SIRPG: variants seen among roughly 807,000 people sequenced by gnomAD.
SIRPG encodes signal regulatory protein gamma, also known as signal-regulatory protein gamma.
SIRPG carries 38 observed loss-of-function variants against 35.7 expected under a neutral mutation model. The observed-to-expected ratio is 1.06, with a 90% confidence interval of 0.82 to 1.40. The LOEUF (loss-of-function observed/expected upper bound fraction) is 1.40. SIRPG is among the 40% of genes most tolerant of loss of function. The probability of loss-of-function intolerance (pLI) is 0.00; values close to 1 mark genes in which losing one functional copy is unlikely to be tolerated. For synonymous variants in SIRPG, 215 were observed against 190.4 expected (o/e 1.13, Z -1.06); for missense variants, 519 against 483.0 (o/e 1.07, Z -0.70).
At chr20:1,648,080 A>C (rs1334245185) in intron 2 of SIRPG, 1 of 152,156 alleles carries the variant, frequency 6.6e-6, no homozygotes, top group African/African-American at 2.4e-5. Context: ...CCATCTGTAA[A>C]GGGGAGTTGG....
the SIRPG span, among the ~76,000 whole-genome samples, chr20:1,668,175 C>CT: frequency 6.7e-3 from 577 of 85,664 alleles, 7 homozygotes; most frequent in African/African-American, 0.021. Flanking sequence ...CTTTTCTTTT[C>CT]TTTCTTTCTT....
chr20:1,643,561 C>G (rs2091873113), intron 2 of SIRPG, among the ~76,000 whole-genome samples: 1 of 152,194 alleles, frequency 6.6e-6, no homozygotes, highest in South Asian at 2.1e-4. Context: ...CCTTCTGAAG[C>G]CTACTTCCGT....
chr20:1,661,892 G>C (rs538019310), upstream of SIRPG, among the ~76,000 whole-genome samples: 1 of 152,314 alleles, frequency 6.6e-6, no homozygotes, highest in South Asian at 2.1e-4. Flanking sequence ...GGGGTCCCAT[G>C]ACCCTTCCTC....
At chr20:1,651,199 A>T (rs2091938074) in intron 1 of SIRPG, 4 of 152,112 alleles carry the variant, frequency 2.6e-5, no homozygotes, top group Admixed American at 2.6e-4. Context: ...TTATATGTAA[A>T]TTTTTTTTAA....
chr20:1,665,930 G>A, the SIRPG span, among the ~76,000 whole-genome samples: 5 of 152,056 alleles, frequency 3.3e-5, no homozygotes, highest in Admixed American at 1.3e-4. Context: ...CCTCAGGCAC[G>A]TCCTTCAGGA....
At chr20:1,682,185 TA>T in the SIRPG span, among the ~76,000 whole-genome samples, 11 of 152,048 alleles carry the variant, frequency 7.2e-5, no homozygotes, top group Admixed American at 7.2e-4. Flanking sequence ...ATCAGAGAAG[TA>T]AAAAAGAAGA....
chr20:1,639,001 T>A (rs1293231717), intron 2 of SIRPG, among the ~76,000 whole-genome samples: 1 of 152,234 alleles, frequency 6.6e-6, no homozygotes, highest in Non-Finnish European at 1.5e-5. Flanking sequence ...GTACCACCTT[T>A]TCTTTGTCCA....
chr20:1,665,646 T>TC, the SIRPG span, among the ~76,000 whole-genome samples: 1 of 152,192 alleles, frequency 6.6e-6, no homozygotes, highest in East Asian at 1.9e-4. Flanking sequence ...ACTCAGGTAT[T>TC]CATACATTGC....
chr20:1,656,178 G>A (rs1346917236), intron 1 of SIRPG, among the ~76,000 whole-genome samples: 1 of 152,152 alleles, frequency 6.6e-6, no homozygotes, highest in African/African-American at 2.4e-5. Flanking sequence ...TTGCTTGCCT[G>A]CATTTTCTAA....
At chr20:1,680,744 A>G in the SIRPG span, among the ~76,000 whole-genome samples, 5 of 152,248 alleles carry the variant, frequency 3.3e-5, no homozygotes, top group Non-Finnish European at 7.3e-5. Context: ...CCTTTGACAA[A>G]TGTGGCTATC....
At chr20:1,674,849 G>C in the SIRPG span, among the ~76,000 whole-genome samples, 1 of 152,150 alleles carries the variant, frequency 6.6e-6, no homozygotes, top group South Asian at 2.1e-4. Context: ...TAAAGGAGTC[G>C]TGATGATCAC....
chr20:1,657,630 T>C lies in SIRPG; in HGVS notation c.73+12A>G, dbSNP rs775454426. ...GCAGGGAGAAAGGGTTCTAGCCCAA[T>C]GCAATGCTCACCTGTAAGTCCCAGC... is the stretch of plus-strand genomic sequence containing the variant. On this transcript the variant is annotated intron_variant, in intron 1 of 5. Transcript: ENST00000303415. 1 of 1,613,872 alleles carries C rather than the reference T, an allele frequency of 6.2e-7. No homozygotes were observed.
At chr20:1,667,004 C>T in the SIRPG span, among the ~76,000 whole-genome samples, 1 of 151,884 alleles carries the variant, frequency 6.6e-6, no homozygotes, top group Non-Finnish European at 1.5e-5. Context: ...CTTTAACTCC[C>T]GAGCTCAAGT....
rs2091730105 is a variant in SIRPG, at chr20:1,629,219, G to A, written c.*420C>T. 1 of 152,250 alleles carries A rather than the reference G, an allele frequency of 6.6e-6. No homozygotes were observed. The highest frequency in any genetic ancestry group is 1.5e-5 in the Non-Finnish European group (1 of 68,082). 9.4% of individuals were successfully genotyped at this position (152,250 alleles called of 1,614,324 possible). A position where few individuals can be genotyped will look rare whatever the true frequency, so the allele number is the denominator to read the frequency against. On this transcript the variant is annotated 3_prime_UTR_variant, in exon 6 of 6. Transcript: ENST00000303415. ...GCATTTGTATTCAAGAGGCAATAGA[G>A]AACCTCAACAAGGCTGGGGAGTTGG...
the SIRPG span, among the ~76,000 whole-genome samples, chr20:1,664,394 G>T: frequency 6.6e-6 from 1 of 152,184 alleles, no homozygotes; most frequent in Admixed American, 6.5e-5. Flanking sequence ...TGGGGAGATG[G>T]AGTAGGCGGG....
Position 1,649,074 on chromosome 20 carries a change from T to G in SIRPG, c.408A>C (p.Pro136=), listed in dbSNP as rs751758079. ...SPENVEFKSG[P]GTEMALGAKP... ...CACCACCCAAAGCCATCTCAGTGCC[T>G]GGTCCAGACTTAAACTCCACGTTCT... Residue 136 remains proline, a synonymous_variant, in exon 2 of 6, where the codon CCA becomes CCC. Coordinates refer to ENST00000303415, the MANE Select transcript of SIRPG (RefSeq NM_018556.4). 1 of 1,613,856 alleles carries G rather than the reference T, an allele frequency of 6.2e-7. No individual in the cohort carries two copies. The highest frequency in any genetic ancestry group is 8.5e-7 in the Non-Finnish European group (1 of 1,179,798).
chr20:1,638,536 A>T (rs1231813597), intron 2 of SIRPG: 5 of 152,216 alleles, frequency 3.3e-5, no homozygotes, highest in African/African-American at 4.8e-5. Context: ...TTCAAAAAAA[A>T]ATAAGATCAT....
At chr20:1,665,914 AAAG>A in the SIRPG span, among the ~76,000 whole-genome samples, 6 of 152,286 alleles carry the variant, frequency 3.9e-5, no homozygotes, top group East Asian at 1.2e-3. Flanking sequence ...TATATAAAAA[AAAG>A]AGCCTCAGGC....
the SIRPG span, among the ~76,000 whole-genome samples, chr20:1,680,353 G>A: frequency 4.6e-5 from 7 of 152,136 alleles, no homozygotes; most frequent in Admixed American, 1.3e-4. Context: ...CTGGTCTGGA[G>A]TACAGTTCTA....
Sources: gnomAD v4.1 joint callset for allele counts (sites outside exome capture counted in the v4.1 genomes callset) on GRCh38, gnomAD v4.1.1 for gene constraint, MANE v1.5 for transcripts, NCBI Gene and HGNC (gene_info 2026-07-23, HGNC 2026-07-21) for gene names.